NELL1: variants seen among roughly 807,000 people sequenced by gnomAD.
NELL1 encodes the protein protein kinase C-binding protein NELL1.
NELL1 carries 76 observed loss-of-function variants against 107.4 expected under a neutral mutation model. The ratio of observed to expected loss-of-function variants is 0.71; its 90% CI spans 0.59 to 0.86. The LOEUF (loss-of-function observed/expected upper bound fraction) is 0.86, where lower values mean the gene tolerates loss of function less well. NELL1 is among the 40% of genes least tolerant of loss of function. NELL1 has a pLI of 0.00. For missense variants in NELL1, 1,024 were observed against 1,005.5 expected (o/e 1.02, Z -0.25); for synonymous variants, 353 against 341.2 (o/e 1.03, Z -0.38).
intron 2 of NELL1, among the ~76,000 whole-genome samples, chr11:20,749,778 A>C (rs1277981041): frequency 6.6e-6 from 1 of 152,108 alleles, no homozygotes; most frequent in Non-Finnish European, 1.5e-5. Context: ...CCCACTATTT[A>C]GCTTTGCCTG....
chr11:21,071,111 G>A (rs902201066), intron 12 of NELL1, among the ~76,000 whole-genome samples: 10 of 152,144 alleles, frequency 6.6e-5, no homozygotes, highest in Admixed American at 2.6e-4. Context: ...AGGGTGACTT[G>A]GTTTTAAATC....
intron 12 of NELL1, among the ~76,000 whole-genome samples, chr11:21,098,977 A>G (rs1281071981): frequency 6.6e-6 from 1 of 151,472 alleles, no homozygotes; most frequent in Non-Finnish European, 1.5e-5. Flanking sequence ...TTATTATTAT[A>G]TTTGTGTATT....
At chr11:20,911,341 G>T (rs894733939) in intron 5 of NELL1, among the ~76,000 whole-genome samples, 2 of 152,208 alleles carry the variant, frequency 1.3e-5, no homozygotes, top group African/African-American at 4.8e-5. Flanking sequence ...CACCTTCAGA[G>T]AAATCCTACT....
chr11:20,914,896 C>G (rs1850211691), intron 5 of NELL1, among the ~76,000 whole-genome samples: 1 of 152,034 alleles, frequency 6.6e-6, no homozygotes, highest in Admixed American at 6.6e-5. Flanking sequence ...ATAGTCATGA[C>G]TGTTCTTTCA....
chr11:20,708,758 A>G (rs1855038861), intron 2 of NELL1, among the ~76,000 whole-genome samples: 2 of 151,766 alleles, frequency 1.3e-5, no homozygotes, highest in African/African-American at 4.8e-5. Flanking sequence ...TTTTTGTTGC[A>G]TTTGCTTTCA....
At chr11:21,065,597 T>G (rs1853848619) in intron 12 of NELL1, among the ~76,000 whole-genome samples, 1 of 152,206 alleles carries the variant, frequency 6.6e-6, no homozygotes. Context: ...TTGCATGCGT[T>G]GCATTCAAAG....
intron 3 of NELL1, among the ~76,000 whole-genome samples, chr11:20,785,916 A>C (rs930539508): frequency 2.0e-5 from 3 of 152,090 alleles, no homozygotes; most frequent in African/African-American, 4.8e-5. Flanking sequence ...TTTTAAAAAA[A>C]CTTTTTTGTT....
At chr11:21,070,798 AT>A (rs1853993444) in intron 12 of NELL1, among the ~76,000 whole-genome samples, 1 of 152,134 alleles carries the variant, frequency 6.6e-6, no homozygotes, top group Non-Finnish European at 1.5e-5. Flanking sequence ...ATTGTCTGAG[AT>A]TTGAGCCTAA....
chr11:20,907,656 T>C (rs1490525870), intron 5 of NELL1, among the ~76,000 whole-genome samples: 1 of 152,080 alleles, frequency 6.6e-6, no homozygotes, highest in Non-Finnish European at 1.5e-5. Flanking sequence ...TATAAAATCA[T>C]GTAGCTTGAT....
chr11:21,536,112 T>G (rs1856129805), intron 16 of NELL1, among the ~76,000 whole-genome samples: 1 of 152,158 alleles, frequency 6.6e-6, no homozygotes, highest in African/African-American at 2.4e-5. Context: ...TTTATTATTT[T>G]TTCTACTTTT....
intron 5 of NELL1, among the ~76,000 whole-genome samples, chr11:20,907,817 A>G (rs773157484): frequency 1.3e-5 from 2 of 152,184 alleles, no homozygotes; most frequent in Admixed American, 6.5e-5. Flanking sequence ...ACTTACTGAC[A>G]AAAGTCTAAT....
intron 5 of NELL1, among the ~76,000 whole-genome samples, chr11:20,912,521 T>G (rs1003515440): frequency 4.6e-5 from 7 of 152,106 alleles, no homozygotes; most frequent in Admixed American, 3.9e-4. Context: ...CAAAATAAGT[T>G]ATAAGGATGC....
chr11:21,171,371 T>C (rs1856603276), intron 13 of NELL1, among the ~76,000 whole-genome samples: 1 of 151,868 alleles, frequency 6.6e-6, no homozygotes, highest in Admixed American at 6.6e-5. Flanking sequence ...CAAGAAATAA[T>C]AATTGTTAAC....
At chr11:20,885,588 C>A in intron 5 of NELL1, 48 bp downstream of exon 5, 1 of 1,146,168 alleles carries the variant, frequency 8.7e-7, no homozygotes, top group South Asian at 1.3e-5. Flanking sequence ...AGGCGATGCT[C>A]AGTTTTCTGT....
chr11:20,755,168 G>T (rs996429392), intron 2 of NELL1, among the ~76,000 whole-genome samples: 1 of 152,086 alleles, frequency 6.6e-6, no homozygotes, highest in Non-Finnish European at 1.5e-5. Flanking sequence ...ATGATAGGGG[G>T]CGCTGTTACT....
At chr11:20,918,349 T>G in intron 6 of NELL1, 95 bp downstream of exon 6, 1 of 748,184 alleles carries the variant, frequency 1.3e-6, no homozygotes, top group Non-Finnish European at 2.4e-6. Flanking sequence ...TTGTTTACAG[T>G]GTTGACTTCT....
chr11:21,174,510 G>A (rs1320809663), intron 13 of NELL1, among the ~76,000 whole-genome samples: 2 of 151,740 alleles, frequency 1.3e-5, no homozygotes, highest in African/African-American at 4.9e-5. Context: ...AAATGATAAG[G>A]TAGTTGGTTA....
chr11:21,059,106 C>T (rs559109116), intron 12 of NELL1, among the ~76,000 whole-genome samples: 1 of 152,168 alleles, frequency 6.6e-6, no homozygotes, highest in South Asian at 2.1e-4. Flanking sequence ...CCTGCTTATC[C>T]TTCAGGGCTC....
chr11:20,967,168 G>A (rs532297994), intron 12 of NELL1, among the ~76,000 whole-genome samples: 2 of 152,084 alleles, frequency 1.3e-5, no homozygotes, highest in East Asian at 3.9e-4. Context: ...TAGGTTTTCA[G>A]GCCAGTTCAT....
Sources: gnomAD v4.1 joint callset for allele counts (sites outside exome capture counted in the v4.1 genomes callset) on GRCh38, gnomAD v4.1.1 for gene constraint, MANE v1.5 for transcripts, NCBI Gene and HGNC (gene_info 2026-07-23, HGNC 2026-07-21) for gene names.